LINGO2: variants seen among roughly 807,000 people sequenced by gnomAD.
LINGO2 encodes the protein leucine-rich repeat and immunoglobulin-like domain-containing nogo receptor-interacting protein 2.
A neutral mutation model predicts 30.6 loss-of-function variants in LINGO2; 14 were observed. That is an observed-to-expected ratio of 0.46 (90% CI 0.30 to 0.72). LINGO2 has a LOEUF of 0.72. Among genes scored for constraint, LINGO2 ranks in the 30% least tolerant of loss-of-function variants. The pLI is 0.07. For synonymous variants in LINGO2, 317 were observed against 288.5 expected (o/e 1.10, Z -1.00); for missense variants, 729 against 751.7 (o/e 0.97, Z 0.35).
At chr9:28,421,499 A>G (rs975717786) in intron 2 of LINGO2, among the ~76,000 whole-genome samples, 1 of 151,766 alleles carries the variant, frequency 6.6e-6, no homozygotes, top group Non-Finnish European at 1.5e-5. Context: ...AAAAAAAAAC[A>G]AAGTTAGAGG....
intron 2 of LINGO2, among the ~76,000 whole-genome samples, chr9:28,401,026 C>T (rs1435542146): frequency 2.0e-5 from 3 of 151,850 alleles, no homozygotes; most frequent in Admixed American, 1.3e-4. Flanking sequence ...CATTAACATA[C>T]GGAAATGTGT....
the LINGO2 span, among the ~76,000 whole-genome samples, chr9:29,026,104 C>T: frequency 6.6e-6 from 1 of 151,890 alleles, no homozygotes; most frequent in Non-Finnish European, 1.5e-5. Context: ...CATGATCAAC[C>T]ACACTACAGT....
chr9:27,946,608 C>T (rs544083575), downstream of LINGO2, among the ~76,000 whole-genome samples: 2 of 151,840 alleles, frequency 1.3e-5, no homozygotes, highest in African/African-American at 4.8e-5. Flanking sequence ...TTTCTATTAA[C>T]TTTTGGAAGT....
the LINGO2 span, among the ~76,000 whole-genome samples, chr9:28,933,082 T>C: frequency 6.6e-6 from 1 of 151,970 alleles, no homozygotes; most frequent in African/African-American, 2.4e-5. Context: ...AATTTTTGTA[T>C]TTTTAGTATT....
At chr9:28,758,713 A>C in the LINGO2 span, among the ~76,000 whole-genome samples, 1 of 152,110 alleles carries the variant, frequency 6.6e-6, no homozygotes, top group Non-Finnish European at 1.5e-5. Context: ...ATGACAAACA[A>C]ATATTGTCTA....
chr9:29,206,254 C>G, the LINGO2 span, among the ~76,000 whole-genome samples: 1 of 152,116 alleles, frequency 6.6e-6, no homozygotes, highest in Non-Finnish European at 1.5e-5. Context: ...GGATAAACTT[C>G]TAAAAGAGGA....
chr9:29,075,178 C>G, the LINGO2 span, among the ~76,000 whole-genome samples: 1 of 152,118 alleles, frequency 6.6e-6, no homozygotes, highest in South Asian at 2.1e-4. Flanking sequence ...CTATTCTACT[C>G]ATTATATTCA....
the LINGO2 span, among the ~76,000 whole-genome samples, chr9:29,039,178 T>C: frequency 8.5e-5 from 13 of 152,162 alleles, no homozygotes; most frequent in Non-Finnish European, 1.9e-4. Context: ...CTGGCACCAA[T>C]TTATGAACAA....
At chr9:28,685,567 A>ATCATGTCTCTC in the LINGO2 span, among the ~76,000 whole-genome samples, 1 of 152,248 alleles carries the variant, frequency 6.6e-6, no homozygotes, top group South Asian at 2.1e-4. Flanking sequence ...TATCTTTGGA[A>ATCATGTCTCTC]TCATATGATG....
At chr9:28,290,457 AC>A (rs1221658718) in intron 4 of LINGO2, among the ~76,000 whole-genome samples, 1 of 152,154 alleles carries the variant, frequency 6.6e-6, no homozygotes, top group Non-Finnish European at 1.5e-5. Context: ...TTACAGAAAC[AC>A]CAGGGGACTC....
At chr9:28,371,736 T>C (rs977616214) in intron 3 of LINGO2, among the ~76,000 whole-genome samples, 2 of 152,332 alleles carry the variant, frequency 1.3e-5, no homozygotes, top group East Asian at 3.9e-4. Flanking sequence ...TGTACTCTCC[T>C]AATTTACTTG....
intron 1 of LINGO2, among the ~76,000 whole-genome samples, chr9:28,636,237 G>C (rs1827264443): frequency 2.0e-5 from 3 of 152,168 alleles, no homozygotes; most frequent in Admixed American, 2.0e-4. Context: ...TGGACATTTG[G>C]GTTGGTTTCA....
intron 1 of LINGO2, among the ~76,000 whole-genome samples, chr9:28,661,865 C>G (rs1828597546): frequency 6.6e-6 from 1 of 152,134 alleles, no homozygotes; most frequent in Admixed American, 6.6e-5. Flanking sequence ...TATGGACCCA[C>G]AGTATTCATG....
intron 3 of LINGO2, among the ~76,000 whole-genome samples, chr9:28,350,796 T>A (rs1819840905): frequency 6.6e-6 from 1 of 150,870 alleles, no homozygotes; most frequent in African/African-American, 2.4e-5. Flanking sequence ...TATAACAAAC[T>A]ATCTCTCAGA....
chr9:28,137,208 C>G (rs977980632), intron 4 of LINGO2, among the ~76,000 whole-genome samples: 1 of 151,410 alleles, frequency 6.6e-6, no homozygotes, highest in Non-Finnish European at 1.5e-5. Flanking sequence ...GACACACACA[C>G]ACACACACAC....
the LINGO2 span, among the ~76,000 whole-genome samples, chr9:29,121,711 C>T: frequency 3.9e-5 from 6 of 152,050 alleles, no homozygotes; most frequent in Non-Finnish European, 8.8e-5. Flanking sequence ...CCACATGAGC[C>T]ACACTGTCAT....
At chr9:29,111,221 T>G in the LINGO2 span, among the ~76,000 whole-genome samples, 1 of 152,212 alleles carries the variant, frequency 6.6e-6, no homozygotes, top group Admixed American at 6.5e-5. Flanking sequence ...TGTGTTCTGT[T>G]GACACAGTCA....
At chr9:28,772,445 A>AT in the LINGO2 span, among the ~76,000 whole-genome samples, 1 of 152,214 alleles carries the variant, frequency 6.6e-6, no homozygotes, top group Non-Finnish European at 1.5e-5. Context: ...TTGCATGTAC[A>AT]TAACAGCAGC....
At chr9:28,763,736 T>C in the LINGO2 span, among the ~76,000 whole-genome samples, 1 of 150,180 alleles carries the variant, frequency 6.7e-6, no homozygotes, top group Non-Finnish European at 1.5e-5. Context: ...TCAACAAAAC[T>C]GAGAGTGAAA....
Sources: gnomAD v4.1 joint callset for allele counts (sites outside exome capture counted in the v4.1 genomes callset) on GRCh38, gnomAD v4.1.1 for gene constraint, MANE v1.5 for transcripts, NCBI Gene and HGNC (gene_info 2026-07-23, HGNC 2026-07-21) for gene names.